The following TOPBP1 variants were observed in gnomAD, a reference collection of about 807,000 sequenced individuals.
TOPBP1 encodes the protein DNA topoisomerase II binding protein 1, also known as DNA topoisomerase 2-binding protein 1.
A neutral mutation model predicts 167.7 loss-of-function variants in TOPBP1; 28 were observed. The observed-to-expected ratio is 0.17, with a 90% confidence interval of 0.12 to 0.23. TOPBP1 has a LOEUF of 0.23. Ranked by LOEUF, TOPBP1 falls within the 10% of genes least tolerant of loss-of-function variation. The probability of loss-of-function intolerance (pLI) is 1.00; values close to 1 mark genes in which losing one functional copy is unlikely to be tolerated. For synonymous variants in TOPBP1, 598 were observed against 611.4 expected, an observed-to-expected ratio of 0.98 and a Z score of 0.32; for missense variants, 1,554 against 1,809.6, an observed-to-expected ratio of 0.86 and a Z score of 2.56.
At chr3:133,651,130 T>G (rs1012748352) in intron 8 of TOPBP1, among the ~76,000 whole-genome samples, 56 of 119,890 alleles carry the variant, frequency 4.7e-4, no homozygotes, top group Non-Finnish European at 1.8e-4. Flanking sequence ...TTTTGTAAGT[T>G]GGCAAGTTTA....
chr3:133,661,245 C>A (rs1373572951), intron 1 of TOPBP1, 111 bp from the exon 2 acceptor site: 2 of 730,070 alleles, frequency 2.7e-6, no homozygotes, highest in Non-Finnish European at 4.2e-6. Flanking sequence ...GACAGACATT[C>A]TGGCTCTGCC....
intron 3 of TOPBP1, among the ~76,000 whole-genome samples, chr3:133,658,646 T>C (rs1402904255): frequency 6.6e-6 from 1 of 151,782 alleles, no homozygotes. Context: ...CTTTCTCTAC[T>C]AAAAATAAAA....
chr3:133,643,277 A>T lies in TOPBP1; in HGVS notation c.1944T>A (p.Asp648Glu). 1 of 1,612,658 alleles carries T rather than the reference A, an allele frequency of 6.2e-7. No homozygotes were observed. Residue 648 changes from aspartate to glutamate, a missense_variant, in exon 12 of 28, where the codon GAT (aspartate) becomes GAA (glutamate). Coordinates refer to ENST00000260810, the MANE Select transcript of TOPBP1 (RefSeq NM_007027.4). ...PVMTGMTPLE[D>E]CVISFSQCAG... is the part of the protein sequence containing the mutation. The stretch of plus-strand genomic sequence containing the variant: ...CACACTGGCTAAATGAAATAACACA[A>T]TCCTCTAAAGGAGTCATTCCTGTCA...
chr3:133,620,254 C>T lies in TOPBP1; in HGVS notation c.3272G>A (p.Arg1091Lys), dbSNP rs1330809341. Reference sequence around the variant, plus strand: ...ACAACCACTTCTTGAAAGGGAAGTCCTCTGCCCTTGGGGTTTCACTATTGA... The same window carrying T: ...ACAACCACTTCTTGAAAGGGAAGTCTTCTGCCCTTGGGGTTTCACTATTGA... ...ATSIVKPQGQ[R>K]TSLSRSGCNS... Residue 1091 changes from arginine to lysine, a missense_variant, in exon 20 of 28, where the codon AGG becomes AAG. This residue lies in a region of TOPBP1 where 1,197 missense variants were observed against 1,351.5 expected (regional missense o/e 0.89). Transcript: ENST00000260810. 1.9e-6 allele frequency: 3 copies of T among 1,613,958 alleles called. No individual in the cohort carries two copies. The highest frequency in any genetic ancestry group is 2.2e-5 in the South Asian group (2 of 91,086).
chr3:133,649,916 T>C lies in TOPBP1; in HGVS notation c.1117A>G (p.Lys373Glu). 6.2e-7 allele frequency: 1 copy of C among 1,602,638 alleles called. No homozygotes were observed. The highest frequency in any genetic ancestry group is 8.5e-7 in the Non-Finnish European group (1 of 1,176,474). Residue 373 changes from lysine (K) to glutamate (E), a missense_variant, in exon 9 of 28, where the codon AAG becomes GAG. Physicochemically the swap from Lys to Glu is moderately conservative, Grantham distance 56. Transcript: ENST00000260810. The stretch of plus-strand genomic sequence containing the variant: ...ATAAGTCTTCTCAGTTTATCTAGCT[T>C]TCTGCCACTAAAACCGCAAAGATAT... ...RIYLCGFSGR[K>E]LDKLRRLINS...
chr3:133,603,128 T>C (rs1934368782), intron 27 of TOPBP1, among the ~76,000 whole-genome samples: 1 of 152,110 alleles, frequency 6.6e-6, no homozygotes, highest in Non-Finnish European at 1.5e-5. Flanking sequence ...AATCCTGACC[T>C]CAGGTGATCT....
chr3:133,618,799 T>C (rs1447623622), intron 20 of TOPBP1, among the ~76,000 whole-genome samples: 1 of 151,972 alleles, frequency 6.6e-6, no homozygotes, highest in African/African-American at 2.4e-5. Flanking sequence ...CAGGGTAATG[T>C]TTCAAACACT....
chr3:133,650,659 T>G (rs967207504), intron 8 of TOPBP1, among the ~76,000 whole-genome samples: 2 of 152,198 alleles, frequency 1.3e-5, no homozygotes, highest in African/African-American at 4.8e-5. Flanking sequence ...AATTTAAGTA[T>G]GACAAATCTA....
At chr3:133,601,425 A>G (rs1934295969) in intron 27 of TOPBP1, 32 bp from the exon 28 acceptor site, 3 of 1,411,844 alleles carry the variant, frequency 2.1e-6, no homozygotes, top group Non-Finnish European at 2.8e-6. Context: ...ATTTTTTAAA[A>G]TGATTTCAAA....
At chr3:133,625,214 C>T (rs1361664515) in intron 16 of TOPBP1, among the ~76,000 whole-genome samples, 2 of 152,208 alleles carry the variant, frequency 1.3e-5, no homozygotes, top group Non-Finnish European at 2.9e-5. Flanking sequence ...ATCCACCCGC[C>T]TTGCGCTCCC....
intron 14 of TOPBP1, among the ~76,000 whole-genome samples, chr3:133,629,083 A>C (rs1019918800): frequency 6.6e-6 from 1 of 152,166 alleles, no homozygotes; most frequent in Non-Finnish European, 1.5e-5. Flanking sequence ...CCCAGAAGGA[A>C]ACAAATAAGC....
chr3:133,653,222 G>T, intron 7 of TOPBP1, 123 bp downstream of exon 7: 2 of 920,632 alleles, frequency 2.2e-6, no homozygotes, highest in South Asian at 2.3e-5. Context: ...ATACAATTAT[G>T]CCTAGAAGCA....
At chr3:133,609,353 G>A (rs766857758) in intron 25 of TOPBP1, among the ~76,000 whole-genome samples, 1 of 152,112 alleles carries the variant, frequency 6.6e-6, no homozygotes, top group Non-Finnish European at 1.5e-5. Context: ...AAATATTTAG[G>A]AAGGGAATAA....
intron 23 of TOPBP1, among the ~76,000 whole-genome samples, chr3:133,616,124 T>C (rs1934865391): frequency 3.4e-5 from 5 of 145,280 alleles, no homozygotes; most frequent in African/African-American, 2.5e-5. Context: ...TCTTTTCCCT[T>C]TTTTTTTTTT....
chr3:133,621,143 C>T (rs781642460), intron 19 of TOPBP1, among the ~76,000 whole-genome samples: 2 of 152,158 alleles, frequency 1.3e-5, no homozygotes, highest in African/African-American at 2.4e-5. Flanking sequence ...ACCTGAGTAG[C>T]TGGCACTACA....
chr3:133,659,098 T>C lies in TOPBP1; in HGVS notation c.137A>G (p.Glu46Gly). The C allele has an allele frequency of 1.3e-6, 2 of 1,588,850 alleles. No individual in the cohort carries two copies. The highest frequency in any genetic ancestry group is 1.7e-6 in the Non-Finnish European group (2 of 1,166,818). ...EEYLQIITEE[E>G]ALKIKENDRS... ...ATCATTCTCCTTTATCTTCAATGCCTCTTCTTCTGTAATAATCTGAAGATA... is the reference window on the plus strand; with the variant it reads ...ATCATTCTCCTTTATCTTCAATGCCCCTTCTTCTGTAATAATCTGAAGATA... The change falls in exon 3 of 28, where the codon GAG (glutamate) becomes GGG (glycine). Residue 46 changes from glutamate to glycine, a missense_variant. Physicochemically the swap from Glu to Gly is moderately conservative, Grantham distance 98 (BLOSUM62 -2). Coordinates refer to ENST00000260810, the MANE Select transcript of TOPBP1 (RefSeq NM_007027.4).
At chr3:133,650,926 T>C (rs1258067044) in intron 8 of TOPBP1, among the ~76,000 whole-genome samples, 1 of 151,978 alleles carries the variant, frequency 6.6e-6, no homozygotes, top group Non-Finnish European at 1.5e-5. Flanking sequence ...CTGGCCAATA[T>C]GGTGAAACCC....
intron 23 of TOPBP1, among the ~76,000 whole-genome samples, chr3:133,615,197 C>T (rs796780411): frequency 4.0e-5 from 6 of 151,798 alleles, no homozygotes; most frequent in South Asian, 4.1e-4. Context: ...TGGCCAGGTG[C>T]GGTGGCTCAT....
chr3:133,608,649 A>G lies in TOPBP1; in HGVS notation c.4311T>C (p.Leu1437=). The change falls in exon 27 of 28, where the codon CTT becomes CTC. Residue 1437 remains leucine, a synonymous_variant. Coordinates refer to ENST00000260810, the MANE Select transcript of TOPBP1 (RefSeq NM_007027.4). The stretch of plus-strand genomic sequence containing the variant: ...GTTTCAGTTTATTCAAGTCAGAAAA[A>G]AGATGTGTGGCCTCTTTAAATAAAG... ...SVPLFKEATH[L]FSDLNKLKPD... 6.2e-7 allele frequency: 1 copy of G among 1,613,690 alleles called. No individual in the cohort carries two copies. The highest frequency in any genetic ancestry group is 8.5e-7 in the Non-Finnish European group (1 of 1,179,774).
Sources: allele counts gnomAD v4.1 joint callset (sites outside exome capture counted in the v4.1 genomes callset), GRCh38; gene constraint gnomAD v4.1.1; regional missense constraint gnomAD v4.1.1; transcripts MANE v1.5; gene names NCBI Gene and HGNC (gene_info 2026-07-23, HGNC 2026-07-21).